LRRC7: variants seen among roughly 807,000 people sequenced by gnomAD.
LRRC7 encodes leucine-rich repeat-containing protein 7.
Under a neutral mutation model 175.7 loss-of-function variants are expected in LRRC7, and 23 were observed. The ratio of observed to expected loss-of-function variants is 0.13; its 90% CI spans 0.09 to 0.19. LRRC7 has a LOEUF of 0.19. Among genes scored for constraint, LRRC7 ranks in the 10% least tolerant of loss-of-function variants. The pLI is 1.00. For missense variants in LRRC7, 1,354 were observed against 1,904.7 expected (o/e 0.71, Z 5.38); for synonymous variants, 685 against 680.9 (o/e 1.01, Z -0.09).
chr1:69,752,254 C>T (rs1165662769), intron 2 of LRRC7, among the ~76,000 whole-genome samples: 1 of 152,082 alleles, frequency 6.6e-6, no homozygotes, highest in African/African-American at 2.4e-5. Flanking sequence ...CCCTGTGGCA[C>T]ACTTAATGAG....
chr1:69,951,019 T>C (rs1488456360), intron 8 of LRRC7, among the ~76,000 whole-genome samples: 1 of 151,180 alleles, frequency 6.6e-6, no homozygotes, highest in Non-Finnish European at 1.5e-5. Context: ...ACACAGAGAA[T>C]GGGAGAAATA....
At chr1:69,947,597 T>C (rs911829553) in intron 8 of LRRC7, among the ~76,000 whole-genome samples, 1 of 152,012 alleles carries the variant, frequency 6.6e-6, no homozygotes, top group Non-Finnish European at 1.5e-5. Flanking sequence ...TATTTTTATA[T>C]TATATATCTA....
chr1:69,716,788 G>T (rs1477249766), intron 2 of LRRC7, among the ~76,000 whole-genome samples: 1 of 151,812 alleles, frequency 6.6e-6, no homozygotes, highest in Non-Finnish European at 1.5e-5. Context: ...AGCATGCAAT[G>T]TTTAGATAAA....
At chr1:69,882,010 C>CAA (rs34756242) in intron 7 of LRRC7, among the ~76,000 whole-genome samples, 3 of 123,072 alleles carry the variant, frequency 2.4e-5, no homozygotes, top group Non-Finnish European at 5.2e-5. Context: ...GACTGAATAG[C>CAA]AAAAAAAAAA....
chr1:69,747,323 A>G (rs1669363152), intron 2 of LRRC7, among the ~76,000 whole-genome samples: 1 of 152,166 alleles, frequency 6.6e-6, no homozygotes, highest in East Asian at 1.9e-4. Flanking sequence ...AGGAGAAGAA[A>G]CAGGAAAACA....
Position 70,140,188 on chromosome 1 carries a change from C to T in LRRC7, c.*18301C>T, listed in dbSNP as rs1667011106. The T allele has an allele frequency of 6.6e-6, 1 of 152,114 alleles. No homozygotes were observed. Among genetic ancestry groups the T allele is most frequent in the South Asian group, 2.1e-4 (1 of 4,820 alleles). The allele number at this position is 152,114 out of a possible 1,614,324, so 9.4% of individuals were successfully genotyped here. On this transcript the variant is annotated 3_prime_UTR_variant, in exon 27 of 27. Transcript: ENST00000651989. ...ATCAGGCTGCTTTTATCAAGCTAAG[C>T]ATGGGCATGCCTTTCCAAAGGGTAT...
At chr1:69,634,439 A>C (rs1437586143) in intron 1 of LRRC7, among the ~76,000 whole-genome samples, 2 of 152,134 alleles carry the variant, frequency 1.3e-5, no homozygotes, top group African/African-American at 2.4e-5. Context: ...TTCCTTAAGA[A>C]TCTGTTTTCC....
intron 2 of LRRC7, among the ~76,000 whole-genome samples, chr1:69,747,129 C>A (rs1407966019): frequency 1.3e-5 from 2 of 152,096 alleles, no homozygotes; most frequent in Non-Finnish European, 2.9e-5. Context: ...CTGCAACAAC[C>A]CCTTTCCAAA....
chr1:69,863,863 C>A (rs748070307), intron 7 of LRRC7, among the ~76,000 whole-genome samples: 17 of 152,154 alleles, frequency 1.1e-4, no homozygotes, highest in Non-Finnish European at 2.5e-4. Flanking sequence ...ACCATAATAA[C>A]TTCAATGACA....
intron 1 of LRRC7, among the ~76,000 whole-genome samples, chr1:69,641,076 T>A (rs1166155169): frequency 6.6e-6 from 1 of 151,680 alleles, no homozygotes; most frequent in East Asian, 1.9e-4. Context: ...TGACAAGACA[T>A]CCCAGATTCT....
intron 10 of LRRC7, among the ~76,000 whole-genome samples, chr1:69,992,365 T>C (rs1169785122): frequency 6.6e-6 from 1 of 152,104 alleles, no homozygotes; most frequent in African/African-American, 2.4e-5. Context: ...TCAGTATTTC[T>C]TAGTTGGGAG....
At chr1:69,685,201 G>A (rs1457060194) in intron 2 of LRRC7, among the ~76,000 whole-genome samples, 1 of 152,148 alleles carries the variant, frequency 6.6e-6, no homozygotes, top group African/African-American at 2.4e-5. Flanking sequence ...TGGAACTAAA[G>A]CCCACAAAAT....
At chr1:69,661,699 C>T (rs1056577647) in intron 1 of LRRC7, among the ~76,000 whole-genome samples, 1 of 152,088 alleles carries the variant, frequency 6.6e-6, no homozygotes, top group Non-Finnish European at 1.5e-5. Context: ...AGAAGGAGAG[C>T]AGGCTGAAGG....
At chr1:69,710,247 C>G (rs1664587576) in intron 2 of LRRC7, among the ~76,000 whole-genome samples, 1 of 138,208 alleles carries the variant, frequency 7.2e-6, no homozygotes, top group African/African-American at 2.8e-5. Context: ...CCACTGCTCC[C>G]CAGCCTGGGC....
intron 7 of LRRC7, among the ~76,000 whole-genome samples, chr1:69,914,494 G>C (rs1056770576): frequency 6.6e-6 from 1 of 152,018 alleles, no homozygotes. Context: ...CCAAAATGAC[G>C]GCATTAAGAG....
intron 25 of LRRC7, among the ~76,000 whole-genome samples, chr1:70,103,104 C>G (rs1216256891): frequency 1.3e-5 from 2 of 152,038 alleles, no homozygotes; most frequent in Non-Finnish European, 2.9e-5. Context: ...TAGCACATGC[C>G]TGTAGTCACA....
chr1:70,122,131 G>A lies in LRRC7; in HGVS notation c.*244G>A, dbSNP rs1666241464. 1 of 289,372 alleles carries A rather than the reference G, an allele frequency of 3.5e-6. No individual in the cohort carries two copies. The highest frequency in any genetic ancestry group is 6.4e-6 in the Non-Finnish European group (1 of 157,442). 17.9% of individuals were successfully genotyped at this position (289,372 alleles called of 1,614,324 possible). A position where few individuals can be genotyped will look rare whatever the true frequency, so the allele number is the denominator to read the frequency against. On this transcript the variant is annotated 3_prime_UTR_variant, in exon 27 of 27. Coordinates refer to ENST00000651989, the MANE Select transcript of LRRC7 (RefSeq NM_001370785.2). ...TGTGCATTGGTGCAGTTTTGTTTCTGTTTTTGTTTTTGTTTTTAATCAAAT... is the reference window on the plus strand; with the variant it reads ...TGTGCATTGGTGCAGTTTTGTTTCTATTTTTGTTTTTGTTTTTAATCAAAT...
chr1:69,596,405 C>T (rs1461423222), intron 1 of LRRC7, among the ~76,000 whole-genome samples: 1 of 152,150 alleles, frequency 6.6e-6, no homozygotes, highest in African/African-American at 2.4e-5. Flanking sequence ...TGCCTATATT[C>T]CTGCATGTAA....
At chr1:69,992,911 AGT>A (rs1654581772) in intron 10 of LRRC7, among the ~76,000 whole-genome samples, 5 of 152,120 alleles carry the variant, frequency 3.3e-5, no homozygotes, top group Admixed American at 2.6e-4. Flanking sequence ...ACGTTTGCTC[AGT>A]CATCTGTAAC....
Sources: gnomAD v4.1 joint callset for allele counts (sites outside exome capture counted in the v4.1 genomes callset) on GRCh38, gnomAD v4.1.1 for gene constraint, MANE v1.5 for transcripts, NCBI Gene and HGNC (gene_info 2026-07-23, HGNC 2026-07-21) for gene names.